The following HECTD4 variants were observed in gnomAD, a reference collection of about 807,000 sequenced individuals.
HECTD4 encodes the protein probable E3 ubiquitin-protein ligase HECTD4.
A neutral mutation model predicts 471.5 loss-of-function variants in HECTD4; 114 were observed. The observed-to-expected ratio is 0.24, with a 90% confidence interval of 0.21 to 0.28. HECTD4 has a LOEUF of 0.28. Ranked by LOEUF, HECTD4 falls within the 10% of genes least tolerant of loss-of-function variation. The pLI, the probability that HECTD4 is intolerant of heterozygous loss-of-function variation, is 1.00. For synonymous variants in HECTD4, 2,012 were observed against 2,256.0 expected (o/e 0.89, Z 3.07); for missense variants, 3,866 against 5,651.5 (o/e 0.68, Z 10.13).
In HECTD4 at chr12:112,282,383, AAAAAAC is replaced by A. The variant is rs909259846; in HGVS notation, c.1528+721_1528+726del. Reference sequence around the variant, plus strand: ...GGAAGACAGAGCAAGACTCCATCTCAAAAAACAAAAACAAAAACAAAAAACAACAAC... The same window carrying A: ...GGAAGACAGAGCAAGACTCCATCTCAAAAAACAAAAACAAAAAACAACAAC... On this transcript the variant is annotated intron_variant, in intron 8 of 75. Transcript: ENST00000682272. Among the ~76,000 whole-genome samples, 36 of 152,286 alleles carry A rather than the reference AAAAAAC, an allele frequency of 2.4e-4. No homozygotes were observed. In the South Asian group the frequency reaches 2.9e-3, roughly 12 times the overall value.
chr12:112,174,732 T>A (rs975690475), intron 66 of HECTD4, among the ~76,000 whole-genome samples: 4 of 151,910 alleles, frequency 2.6e-5, no homozygotes, highest in Non-Finnish European at 5.9e-5. Context: ...CCCGGCTAAT[T>A]TTTGTATTTT....
chr12:112,168,307 C>T (rs2031063573), intron 70 of HECTD4, among the ~76,000 whole-genome samples: 1 of 152,236 alleles, frequency 6.6e-6, no homozygotes, highest in African/African-American at 2.4e-5. Flanking sequence ...TCCCTCTGGG[C>T]CAGGCTGAGG....
chr12:112,214,979 C>A (rs2032873956), intron 48 of HECTD4, among the ~76,000 whole-genome samples: 1 of 152,082 alleles, frequency 6.6e-6, no homozygotes, highest in Non-Finnish European at 1.5e-5. Context: ...CATGGTGAAA[C>A]CCCGTCTCTA....
chr12:112,184,266 A>G lies in HECTD4; in HGVS notation c.10700T>C (p.Met3567Thr), dbSNP rs762954724. 5.6e-6 allele frequency: 9 copies of G among 1,613,456 alleles called. No homozygotes were observed. The highest frequency in any genetic ancestry group is 7.6e-6 in the Non-Finnish European group (9 of 1,179,888). ...DNAETASVSD[M>T]GSMYTVTSLD... Reference sequence around the variant, plus strand: ...GGAAGTGACTGTGTACATGGAGCCCATGTCCGACACCGAGGCCGTCTCTGC... The same window carrying G: ...GGAAGTGACTGTGTACATGGAGCCCGTGTCCGACACCGAGGCCGTCTCTGC... The change falls in exon 61 of 76, where the codon ATG (methionine) becomes ACG (threonine). Residue 3567 changes from methionine to threonine, a missense_variant. Met to Thr is a moderately conservative substitution (Grantham distance 81, BLOSUM62 -1). Transcript: ENST00000682272. This position sits in a 1 kb window ranked among gnomAD's most constrained non-coding sequence, Gnocchi z 9.1.
chr12:112,346,795 A>G (rs1479980523), intron 1 of HECTD4, among the ~76,000 whole-genome samples: 4 of 152,202 alleles, frequency 2.6e-5, no homozygotes, highest in African/African-American at 9.6e-5. Flanking sequence ...TGACCACTCT[A>G]TTTGATTGCT....
At chr12:112,278,635 G>A (rs1375310254) in intron 9 of HECTD4, among the ~76,000 whole-genome samples, 2 of 152,242 alleles carry the variant, frequency 1.3e-5, no homozygotes, top group East Asian at 3.8e-4. Context: ...GCTCATGCCT[G>A]TAATCCCAGC....
chr12:112,356,137 A>G (rs1238666918), intron 1 of HECTD4, among the ~76,000 whole-genome samples: 2 of 152,176 alleles, frequency 1.3e-5, no homozygotes, highest in African/African-American at 4.8e-5. Context: ...CACCATATGA[A>G]GCTAATAGCC....
chr12:112,306,237 G>A lies in HECTD4; in HGVS notation c.1165-3C>T, dbSNP rs1455859923. ...GGCATTGGCACCACCTGGCACACCT[G>A]GGCATGAAAGGGAGGAAATCTCCAT... On this transcript the variant is annotated splice_polypyrimidine_tract_variant and splice_region_variant and intron_variant, in intron 6 of 75. Coordinates refer to ENST00000682272, the MANE Select transcript of HECTD4 (RefSeq NM_001388303.1). The A allele has an allele frequency of 2.0e-6, 3 of 1,524,270 alleles. No individual in the cohort carries two copies. The African/African-American group carries it at 4.2e-5, about 21-fold the overall frequency. 94.4% of individuals were successfully genotyped at this position (1,524,270 alleles called of 1,614,324 possible).
intron 7 of HECTD4, among the ~76,000 whole-genome samples, chr12:112,301,100 C>T (rs1356895962): frequency 6.6e-6 from 1 of 151,376 alleles, no homozygotes; most frequent in Non-Finnish European, 1.5e-5. Flanking sequence ...CTTGGCCAGG[C>T]TGGTCTCGAA....
At chr12:112,253,999 G>A (rs2033953015) in intron 22 of HECTD4, 44 bp downstream of exon 22, 3 of 1,607,910 alleles carry the variant, frequency 1.9e-6, no homozygotes, top group Admixed American at 1.7e-5. Context: ...AGGACTGCAA[G>A]TTCATTTTCT....
intron 7 of HECTD4, among the ~76,000 whole-genome samples, chr12:112,305,298 G>A (rs1002809301): frequency 6.6e-6 from 1 of 150,580 alleles, no homozygotes; most frequent in African/African-American, 2.4e-5. Context: ...GCTCCCAGCT[G>A]CTTCTTGCCC....
Position 112,184,039 on chromosome 12 carries a change from C to A in HECTD4, c.10779+148G>T, listed in dbSNP as rs1288225974. ...ACTCAGAGACGTTACCCCAAGCAGCCTCACTGTGCTCATTCCAAGGGCTGC... is the reference window on the plus strand; with the variant it reads ...ACTCAGAGACGTTACCCCAAGCAGCATCACTGTGCTCATTCCAAGGGCTGC... On this transcript the variant is annotated intron_variant, in intron 61 of 75. Transcript: ENST00000682272. This position sits in a 1 kb window ranked among gnomAD's most constrained non-coding sequence, Gnocchi z 9.1. 19 of 759,128 alleles carry A rather than the reference C, an allele frequency of 2.5e-5. No individual in the cohort carries two copies. Among genetic ancestry groups the A allele is most frequent in the Non-Finnish European group, 4.1e-5 (19 of 458,234 alleles). 47.0% of individuals were successfully genotyped at this position (759,128 alleles called of 1,614,324 possible).
rs2135777394 is a variant in HECTD4, at chr12:112,381,154, C to T, written c.177+798G>A. ...ACCCAAGTGAAGTCGATGGAAAGTTCCCACCAACCAGGCATATTTGGTTCC... is the reference window on the plus strand; with the variant it reads ...ACCCAAGTGAAGTCGATGGAAAGTTTCCACCAACCAGGCATATTTGGTTCC... On this transcript the variant is annotated intron_variant, in intron 1 of 75. Transcript: ENST00000682272. This position sits in a 1 kb window ranked among gnomAD's most constrained non-coding sequence, Gnocchi z 4.1. 6.6e-6 allele frequency among the ~76,000 whole-genome samples: 1 copy of T among 152,330 alleles called. No individual in the cohort carries two copies. Among genetic ancestry groups the T allele is most frequent in the East Asian group, 1.9e-4 (1 of 5,182 alleles).
intron 7 of HECTD4, chr12:112,301,758 T>G: frequency 4.1e-6 from 2 of 489,498 alleles, no homozygotes; most frequent in Non-Finnish European, 7.3e-6. Context: ...CACAGAGCAG[T>G]TGGTGCTTAT....
rs2033960787 is a variant in HECTD4, at chr12:112,254,320, C to T, written c.3328-158G>A. 1.4e-5 allele frequency: 11 copies of T among 790,790 alleles called. 1 individual carries two copies. In the South Asian group the frequency reaches 2.2e-4, roughly 16 times the overall value. The allele number at this position is 790,790 out of a possible 1,614,324, so 49.0% of individuals were successfully genotyped here. On this transcript the variant is annotated intron_variant, in intron 21 of 75. Transcript: ENST00000682272. ...TATTTCCCGATTTTTTTAGGTATAA[C>T]TGATACTAGTTTGGATGCAATCAGT... is the stretch of plus-strand genomic sequence containing the variant.
intron 1 of HECTD4, among the ~76,000 whole-genome samples, chr12:112,365,271 G>A (rs966549057): frequency 2.0e-5 from 3 of 152,020 alleles, no homozygotes; most frequent in South Asian, 2.1e-4. Flanking sequence ...ATTACTAGCC[G>A]GGTGTGGTGG....
intron 27 of HECTD4, among the ~76,000 whole-genome samples, chr12:112,247,758 T>C (rs1483605886): frequency 6.6e-6 from 1 of 152,210 alleles, no homozygotes; most frequent in African/African-American, 2.4e-5. Context: ...GCTTATAATT[T>C]TGCCTATTTT....
chr12:112,317,471 A>G (rs2035501988), intron 2 of HECTD4, among the ~76,000 whole-genome samples: 1 of 152,220 alleles, frequency 6.6e-6, no homozygotes, highest in Admixed American at 6.5e-5. Flanking sequence ...GAATTCTCCC[A>G]CAGATGTTTG....
chr12:112,173,980 C>CTT lies in HECTD4; in HGVS notation c.11595-1121_11595-1120dup, dbSNP rs869244608. Among the ~76,000 whole-genome samples the CTT allele has an allele frequency of 7.1e-6, 1 of 141,396 alleles. No individual in the cohort carries two copies. Among genetic ancestry groups the CTT allele is most frequent in the Non-Finnish European group, 1.6e-5 (1 of 64,076 alleles). 92.8% of individuals were successfully genotyped at this position (141,396 alleles called of 152,430 possible). A position where few individuals can be genotyped will look rare whatever the true frequency, so the allele number is the denominator to read the frequency against. On this transcript the variant is annotated intron_variant, in intron 66 of 75. Coordinates refer to ENST00000682272, the MANE Select transcript of HECTD4 (RefSeq NM_001388303.1). This position sits in a 1 kb window ranked among gnomAD's most constrained non-coding sequence, Gnocchi z 4.3. The stretch of plus-strand genomic sequence containing the variant: ...TTTGGTAGCCATTTTCTTTCCTTTT[C>CTT]TTTTTTTTTTTTTTGAGTTGGAGTT...
Sources: allele counts gnomAD v4.1 joint callset (sites outside exome capture counted in the v4.1 genomes callset), GRCh38; gene constraint gnomAD v4.1.1; non-coding constraint Gnocchi (gnomAD v3.1); transcripts MANE v1.5; gene names NCBI Gene and HGNC (gene_info 2026-07-23, HGNC 2026-07-21).